The following NELL1 variants were observed in gnomAD, a reference collection of about 807,000 sequenced individuals.
The protein encoded by NELL1 is neural EGFL like 1.
A neutral mutation model predicts 107.4 loss-of-function variants in NELL1; 76 were observed. That is an observed-to-expected ratio of 0.71 (90% CI 0.59 to 0.86). NELL1 has a LOEUF of 0.86. NELL1 is among the 40% of genes least tolerant of loss of function. NELL1 has a pLI of 0.00. For missense variants in NELL1, 1,024 were observed against 1,005.5 expected, an observed-to-expected ratio of 1.02 and a Z score of -0.25; for synonymous variants, 353 against 341.2, an observed-to-expected ratio of 1.03 and a Z score of -0.38.
At chr11:21,483,761 A>C (rs1854550064) in intron 15 of NELL1, among the ~76,000 whole-genome samples, 1 of 150,756 alleles carries the variant, frequency 6.6e-6, no homozygotes, top group Non-Finnish European at 1.5e-5. Context: ...ATTTAGCATA[A>C]GGTGTAATTA....
chr11:21,477,028 T>C (rs1854354348), intron 15 of NELL1, among the ~76,000 whole-genome samples: 1 of 152,166 alleles, frequency 6.6e-6, no homozygotes, highest in African/African-American at 2.4e-5. Context: ...CAATCTAGGC[T>C]ACAAGGACTG....
At chr11:21,314,865 T>G (rs1010700881) in intron 14 of NELL1, among the ~76,000 whole-genome samples, 10 of 134,516 alleles carry the variant, frequency 7.4e-5, no homozygotes, top group African/African-American at 1.5e-4. Flanking sequence ...GCAAGAGGGC[T>G]TTTTTTTTTT....
At chr11:21,034,385 GA>G (rs2134321606) in intron 12 of NELL1, among the ~76,000 whole-genome samples, 1 of 152,198 alleles carries the variant, frequency 6.6e-6, no homozygotes, top group South Asian at 2.1e-4. Context: ...TTCAGGACCT[GA>G]ACTGAGCACT....
chr11:21,132,858 A>G (rs946987083), intron 13 of NELL1, among the ~76,000 whole-genome samples: 4 of 152,108 alleles, frequency 2.6e-5, no homozygotes, highest in Non-Finnish European at 4.4e-5. Context: ...CTGCCATTTG[A>G]TGGGTCCCAA....
intron 3 of NELL1, among the ~76,000 whole-genome samples, chr11:20,824,493 T>C (rs966325266): frequency 1.3e-5 from 2 of 151,044 alleles, no homozygotes; most frequent in African/African-American, 4.8e-5. Flanking sequence ...GTGGTAAAGT[T>C]TGGAACTTCC....
chr11:21,443,531 T>A (rs1853344568), intron 15 of NELL1, among the ~76,000 whole-genome samples: 1 of 143,720 alleles, frequency 7.0e-6, no homozygotes, highest in African/African-American at 2.6e-5. Context: ...GAGGCTACTT[T>A]GTCTTTGCTT....
intron 13 of NELL1, among the ~76,000 whole-genome samples, chr11:21,221,665 G>A (rs1857760213): frequency 1.3e-5 from 2 of 151,992 alleles, no homozygotes; most frequent in South Asian, 4.1e-4. Context: ...CAGTTTGTTG[G>A]CATATAGCTA....
intron 12 of NELL1, among the ~76,000 whole-genome samples, chr11:20,963,784 A>G (rs1851336262): frequency 6.6e-6 from 1 of 152,184 alleles, no homozygotes; most frequent in South Asian, 2.1e-4. Context: ...AATGACTCAT[A>G]CGATAAAAAC....
chr11:20,705,190 A>G (rs1854911296), intron 2 of NELL1, among the ~76,000 whole-genome samples: 1 of 152,222 alleles, frequency 6.6e-6, no homozygotes, highest in African/African-American at 2.4e-5. Context: ...ACCAAAAAAG[A>G]GCCCACATTG....
intron 2 of NELL1, among the ~76,000 whole-genome samples, chr11:20,731,278 C>G (rs2133922001): frequency 6.6e-6 from 1 of 152,326 alleles, no homozygotes; most frequent in Non-Finnish European, 1.5e-5. Context: ...GGGCTTAAAG[C>G]ACTTTGGAAA....
intron 15 of NELL1, among the ~76,000 whole-genome samples, chr11:21,497,677 C>T (rs1360081413): frequency 6.6e-6 from 1 of 151,966 alleles, no homozygotes. Context: ...AAATATAAAT[C>T]AAATATCATA....
intron 3 of NELL1, among the ~76,000 whole-genome samples, chr11:20,796,134 T>C (rs1217072951): frequency 1.3e-5 from 2 of 152,150 alleles, no homozygotes; most frequent in Non-Finnish European, 2.9e-5. Flanking sequence ...AAATTCTTCA[T>C]AAGGGAAGAA....
At chr11:21,455,320 C>CTTTTTTTTTTTTTTTTTT (rs34607165) in intron 15 of NELL1, among the ~76,000 whole-genome samples, 8 of 77,216 alleles carry the variant, frequency 1.0e-4, no homozygotes, top group African/African-American at 2.2e-4. Context: ...TTCTTTTATT[C>CTTTTTTTTTTTTTTTTTT]TTTTTTTTTT....
intron 5 of NELL1, among the ~76,000 whole-genome samples, chr11:20,912,117 G>T (rs2134149353): frequency 6.6e-6 from 1 of 152,240 alleles, no homozygotes; most frequent in East Asian, 1.9e-4. Context: ...TTATTATGTT[G>T]CCTTTATAGG....
chr11:20,826,212 T>A (rs1011816007), intron 3 of NELL1, among the ~76,000 whole-genome samples: 1 of 151,382 alleles, frequency 6.6e-6, no homozygotes, highest in Non-Finnish European at 1.5e-5. Context: ...GAGAATGGAC[T>A]AATATAGTAG....
At chr11:21,522,834 CTTTTTTTTTT>C (rs66707466) in intron 15 of NELL1, among the ~76,000 whole-genome samples, 1 of 68,432 alleles carries the variant, frequency 1.5e-5, no homozygotes, top group South Asian at 6.2e-4. Flanking sequence ...TTTTTCTTTT[CTTTTTTTTTT>C]TTTTTTTTTT....
intron 14 of NELL1, among the ~76,000 whole-genome samples, chr11:21,319,000 T>C (rs552670690): frequency 6.6e-6 from 1 of 152,174 alleles, no homozygotes; most frequent in East Asian, 1.9e-4. Flanking sequence ...GTAATACTTG[T>C]AATGAGCTTG....
At position 21,570,944 on chromosome 11, in the gene NELL1, T is replaced by A. The variant is rs771242992; in HGVS notation, c.2157+4T>A. 2 of 1,610,252 alleles carry A rather than the reference T, an allele frequency of 1.2e-6. No individual in the cohort carries two copies. The highest frequency in any genetic ancestry group is 2.7e-5 in the African/African-American group (2 of 74,688). ...CTGTCAGCAGTGTCGGTGTCTGGTATGTTGGCTTCCTTTATAAGGTGTTGA... is the reference window on the plus strand; with the variant it reads ...CTGTCAGCAGTGTCGGTGTCTGGTAAGTTGGCTTCCTTTATAAGGTGTTGA... On this transcript the variant is annotated splice_donor_region_variant and intron_variant, in intron 18 of 19. Coordinates refer to ENST00000357134, the MANE Select transcript of NELL1 (RefSeq NM_006157.5).
intron 4 of NELL1, among the ~76,000 whole-genome samples, chr11:20,876,505 C>A (rs192485144): frequency 1.0e-3 from 155 of 152,324 alleles, no homozygotes; most frequent in African/African-American, 3.7e-3. Flanking sequence ...GTGGCTCATG[C>A]CTGTAATCCC....
Sources: gnomAD v4.1 joint callset for allele counts (sites outside exome capture counted in the v4.1 genomes callset) on GRCh38, gnomAD v4.1.1 for gene constraint, MANE v1.5 for transcripts, NCBI Gene and HGNC (gene_info 2026-07-23, HGNC 2026-07-21) for gene names.